Variants in PAXIP1 observed in about 807,000 individuals in gnomAD.
PAXIP1 encodes the protein PAX-interacting protein 1.
In PAXIP1, 19 loss-of-function variants were observed where a neutral mutation model predicts 140.6. The ratio of observed to expected loss-of-function variants is 0.14; its 90% CI spans 0.09 to 0.20. The LOEUF is 0.20. Among genes scored for constraint, PAXIP1 ranks in the 10% least tolerant of loss-of-function variants. PAXIP1 has a pLI of 1.00. For synonymous variants in PAXIP1, 442 were observed against 444.6 expected (o/e 0.99, Z 0.07); for missense variants, 920 against 1,208.6 (o/e 0.76, Z 3.54).
At chr7:154,984,631 T>C (rs1288691332) in intron 4 of PAXIP1, among the ~76,000 whole-genome samples, 1 of 152,244 alleles carries the variant, frequency 6.6e-6, no homozygotes, top group Non-Finnish European at 1.5e-5. Context: ...CTTGTTAATT[T>C]AGTAAGTCAA....
At chr7:154,979,538 G>T in intron 5 of PAXIP1, among the ~76,000 whole-genome samples, 1 of 151,896 alleles carries the variant, frequency 6.6e-6, no homozygotes, top group Middle Eastern at 3.2e-3. Flanking sequence ...TTAAAGGAAT[G>T]ATAAAAATTA....
chr7:154,995,427 C>T (rs939310613), intron 2 of PAXIP1, among the ~76,000 whole-genome samples: 9 of 152,174 alleles, frequency 5.9e-5, no homozygotes, highest in Non-Finnish European at 1.3e-4. Flanking sequence ...ATCACTGAGG[C>T]CCTACTTCAG....
intron 15 of PAXIP1, among the ~76,000 whole-genome samples, 199 bp downstream of exon 15, chr7:154,955,330 A>G (rs1439619404): frequency 6.6e-6 from 1 of 152,256 alleles, no homozygotes; most frequent in Non-Finnish European, 1.5e-5. Context: ...GTATGAAATA[A>G]TAGCACAGAA....
intron 6 of PAXIP1, 121 bp from the exon 7 acceptor site, chr7:154,969,247 C>G: frequency 9.6e-7 from 1 of 1,043,390 alleles, no homozygotes; most frequent in African/African-American, 1.6e-5. Context: ...GTAGACACAG[C>G]AAATGATTGG....
At chr7:154,984,698 A>T (rs1443553624) in intron 4 of PAXIP1, among the ~76,000 whole-genome samples, 2 of 152,240 alleles carry the variant, frequency 1.3e-5, no homozygotes, top group African/African-American at 4.8e-5. Flanking sequence ...TCACAAAAAC[A>T]TTTATATCCT....
At position 154,973,944 on chromosome 7, in the gene PAXIP1, C is replaced by G. The variant is rs1288044513; in HGVS notation, c.1074+1752G>C. Among the ~76,000 whole-genome samples the G allele has an allele frequency of 6.6e-6, 1 of 152,186 alleles. No homozygotes were observed. The highest frequency in any genetic ancestry group is 2.1e-4 in the South Asian group (1 of 4,822). ...GACGGGGTGTCACCATCAGATGGAACAGCCCAGCTGGCTCTCAATGGTGCG... is the reference window on the plus strand; with the variant it reads ...GACGGGGTGTCACCATCAGATGGAAGAGCCCAGCTGGCTCTCAATGGTGCG... On this transcript the variant is annotated intron_variant, in intron 6 of 20. Coordinates refer to ENST00000404141, the MANE Select transcript of PAXIP1 (RefSeq NM_007349.4). This position sits in a 1 kb window ranked among gnomAD's most constrained non-coding sequence, Gnocchi z 4.0.
Position 154,976,065 on chromosome 7 carries a change from T to A in PAXIP1, c.705A>T (p.Ser235=), listed in dbSNP as rs753037955. 23 of 1,588,498 alleles carry A rather than the reference T, an allele frequency of 1.4e-5. No individual in the cohort carries two copies. In the South Asian group the frequency reaches 2.4e-4, roughly 16 times the overall value. ...EGSPSGDQQF[S]PKSNTEKSKG... is the part of the protein sequence containing the mutation. ...TAGATTTTTCAGTGTTGGATTTAGG[T>A]GAAAACTGCTGGTCACCTGAAGGAG... The change falls in exon 6 of 21, where the codon TCA becomes TCT. Residue 235 remains serine (S), a synonymous_variant. Coordinates refer to ENST00000404141, the MANE Select transcript of PAXIP1 (RefSeq NM_007349.4).
chr7:154,983,646 GA>G (rs1436315041), intron 4 of PAXIP1: 6 of 206,798 alleles, frequency 2.9e-5, no homozygotes, highest in East Asian at 1.5e-4. Context: ...ATAGTCAGGG[GA>G]AAAAAAGCAG....
chr7:154,945,614 A>G, intron 20 of PAXIP1: 2 of 946,438 alleles, frequency 2.1e-6, no homozygotes, highest in Non-Finnish European at 2.5e-6. Context: ...CCACCCTCAC[A>G]GAGAGGAGGA....
chr7:154,981,518 A>G (rs1016117085), intron 5 of PAXIP1, among the ~76,000 whole-genome samples: 1 of 152,212 alleles, frequency 6.6e-6, no homozygotes, highest in African/African-American at 2.4e-5. Flanking sequence ...ACATAAGACA[A>G]TATTATAATT....
chr7:154,947,813 G>T (rs28596779), intron 17 of PAXIP1, 90 bp downstream of exon 17: 1 of 928,968 alleles, frequency 1.1e-6, no homozygotes, highest in Non-Finnish European at 1.8e-6. Context: ...CCCTGGAGGC[G>T]CACTTCCCAC....
At position 155,002,941 on chromosome 7, in the gene PAXIP1, C is replaced by G; in HGVS notation, c.-12G>C. The G allele has an allele frequency of 7.9e-7, 1 of 1,259,988 alleles. No homozygotes were observed. The highest frequency in any genetic ancestry group is 1.0e-6 in the Non-Finnish European group (1 of 976,378). The allele number at this position is 1,259,988 out of a possible 1,614,324, so 78.1% of individuals were successfully genotyped here. A position where few individuals can be genotyped will look rare whatever the true frequency, so the allele number is the denominator to read the frequency against. On this transcript the variant is annotated 5_prime_UTR_variant, in exon 1 of 21. Coordinates refer to ENST00000404141, the MANE Select transcript of PAXIP1 (RefSeq NM_007349.4). ...GCCTGGTCCGACATGATCGCGGCGG[C>G]CCGGGAGGCTCCGCGGCGGCGCCCG...
chr7:154,944,179 GA>G lies in PAXIP1; in HGVS notation c.3195-16del. 1 of 1,594,092 alleles carries G rather than the reference GA, an allele frequency of 6.3e-7. No homozygotes were observed. The highest frequency in any genetic ancestry group is 8.6e-7 in the Non-Finnish European group (1 of 1,167,384). On this transcript the variant is annotated splice_polypyrimidine_tract_variant and intron_variant, in intron 20 of 20. Coordinates refer to ENST00000404141, the MANE Select transcript of PAXIP1 (RefSeq NM_007349.4). Reference sequence around the variant, plus strand: ...TAAACTTATATGTAGGCTTGTTGAGGAAAACGACTTTCAAACACAAGGCAAA... The same window carrying G: ...TAAACTTATATGTAGGCTTGTTGAGGAAACGACTTTCAAACACAAGGCAAA...
chr7:154,986,716 C>G lies in PAXIP1; in HGVS notation c.325-3384G>C, dbSNP rs186565388. Among the ~76,000 whole-genome samples, 3 of 152,274 alleles carry G rather than the reference C, an allele frequency of 2.0e-5. No homozygotes were observed. The highest frequency in any genetic ancestry group is 2.0e-4 in the Admixed American group (3 of 15,300). ...AAAGTCTTCCCCATCCCTATTTGAACAATCTTTCTCAACTTAAAAGAAATG... is the reference window on the plus strand; with the variant it reads ...AAAGTCTTCCCCATCCCTATTTGAAGAATCTTTCTCAACTTAAAAGAAATG... On this transcript the variant is annotated intron_variant, in intron 4 of 20. Transcript: ENST00000404141. This position sits in a 1 kb window ranked among gnomAD's most constrained non-coding sequence, Gnocchi z 4.8.
intron 3 of PAXIP1, among the ~76,000 whole-genome samples, chr7:154,992,880 A>G (rs1236119168): frequency 6.6e-6 from 1 of 152,168 alleles, no homozygotes; most frequent in Non-Finnish European, 1.5e-5. Flanking sequence ...ATATTTCATG[A>G]TAAGTTTCCT....
intron 16 of PAXIP1, among the ~76,000 whole-genome samples, chr7:154,953,514 C>G (rs1395055088): frequency 6.6e-6 from 1 of 152,050 alleles, no homozygotes; most frequent in Non-Finnish European, 1.5e-5. Context: ...AGACAGGGCC[C>G]AGGGGAGGAT....
At position 154,957,311 on chromosome 7, in the gene PAXIP1, G is replaced by A; in HGVS notation, c.2479-17C>T. On this transcript the variant is annotated splice_polypyrimidine_tract_variant and intron_variant, in intron 13 of 20. Coordinates refer to ENST00000404141, the MANE Select transcript of PAXIP1 (RefSeq NM_007349.4). ...TCTTATACTCTGCAATTAAAATATT[G>A]TCGACTTTAATTCAATCAATCTACT... The A allele has an allele frequency of 6.8e-7, 1 of 1,479,952 alleles. No individual in the cohort carries two copies. The highest frequency in any genetic ancestry group is 9.4e-7 in the Non-Finnish European group (1 of 1,069,430). The allele number at this position is 1,479,952 out of a possible 1,614,324, so 91.7% of individuals were successfully genotyped here. A position where few individuals can be genotyped will look rare whatever the true frequency, so the allele number is the denominator to read the frequency against.
rs367577595 is a variant in PAXIP1, at chr7:154,993,749, G to A, written c.237C>T (p.Ser79=). The A allele has an allele frequency of 4.1e-5, 65 of 1,591,592 alleles. No homozygotes were observed. The highest frequency in any genetic ancestry group is 1.6e-4 in the African/African-American group (12 of 74,100). ...PVVKPSWVIL[S]VQCGTLLPVN... ...ACGGCAGAAGAGTTCCACACTGAACGGACAGAATCACCCAAGAAGGCTGAA... is the reference window on the plus strand; with the variant it reads ...ACGGCAGAAGAGTTCCACACTGAACAGACAGAATCACCCAAGAAGGCTGAA... The change falls in exon 3 of 21, where the codon TCC becomes TCT. Residue 79 remains serine (S), a synonymous_variant. Transcript: ENST00000404141.
At position 154,993,745 on chromosome 7, in the gene PAXIP1, G is replaced by C; in HGVS notation, c.241C>G (p.Gln81Glu). 2 of 1,592,252 alleles carry C rather than the reference G, an allele frequency of 1.3e-6. No homozygotes were observed. Among genetic ancestry groups the C allele is most frequent in the Non-Finnish European group, 8.5e-7 (1 of 1,169,762 alleles). Residue 81 changes from glutamine (Q) to glutamate (E), a missense_variant, in exon 3 of 21, where the codon CAG (glutamine) becomes GAG (glutamate). This residue lies in a region of PAXIP1 where 419 missense variants were observed against 514.7 expected (regional missense o/e 0.81). Transcript: ENST00000404141. ...VKPSWVILSV[Q>E]CGTLLPVNGF... ...GGATACGGCAGAAGAGTTCCACACT[G>C]AACGGACAGAATCACCCAAGAAGGC...
Sources: allele counts gnomAD v4.1 joint callset (sites outside exome capture counted in the v4.1 genomes callset), GRCh38; gene constraint gnomAD v4.1.1; regional missense constraint gnomAD v4.1.1; non-coding constraint Gnocchi (gnomAD v3.1); transcripts MANE v1.5; gene names NCBI Gene and HGNC (gene_info 2026-07-23, HGNC 2026-07-21).